Variants in OPRM1 observed in about 807,000 individuals in gnomAD.
The protein encoded by OPRM1 is mu-type opioid receptor.
A neutral mutation model predicts 31.8 loss-of-function variants in OPRM1; 27 were observed. The ratio of observed to expected loss-of-function variants is 0.85; its 90% CI spans 0.63 to 1.17. OPRM1 has a LOEUF of 1.17. Among genes scored for constraint, OPRM1 ranks in the 50% most tolerant of loss-of-function variants. The pLI is 0.00. For missense variants in OPRM1, 536 were observed against 511.1 expected, an observed-to-expected ratio of 1.05 and a Z score of -0.47; for synonymous variants, 196 against 189.9, an observed-to-expected ratio of 1.03 and a Z score of -0.26.
At chr6:154,062,434 G>C (rs972792691) in intron 1 of OPRM1, among the ~76,000 whole-genome samples, 2 of 151,890 alleles carry the variant, frequency 1.3e-5, no homozygotes, top group Non-Finnish European at 2.9e-5. Context: ...TAAAATTTCA[G>C]GCTTTAAAAA....
At chr6:154,193,431 T>C (rs1562533517) in intron 3 of OPRM1, among the ~76,000 whole-genome samples, 1 of 152,046 alleles carries the variant, frequency 6.6e-6, no homozygotes, top group African/African-American at 2.4e-5. Context: ...GAGCAAAATC[T>C]CAGAAATCAC....
At position 154,079,047 on chromosome 6, in the gene OPRM1, G is replaced by C. The variant is rs1456568461; in HGVS notation, c.291-10779G>C. On this transcript the variant is annotated intron_variant, in intron 1 of 3. Coordinates refer to ENST00000330432, the MANE Select transcript of OPRM1 (RefSeq NM_000914.5). ...TGGGGAAAGACATTTGAGAGGATAG[G>C]AGAAAGAGAGCAAGAGAAATCAACT... Among the ~76,000 whole-genome samples, 3 of 152,170 alleles carry C rather than the reference G, an allele frequency of 2.0e-5. No individual in the cohort carries two copies. The East Asian group carries it at 5.8e-4, about 29-fold the overall frequency.
intron 3 of OPRM1, among the ~76,000 whole-genome samples, chr6:154,235,528 T>A (rs1780050492): frequency 1.8e-5 from 1 of 56,928 alleles, no homozygotes; most frequent in African/African-American, 1.1e-4. Context: ...CAAAACTCTG[T>A]CACAAAAAAA....
intron 3 of OPRM1, among the ~76,000 whole-genome samples, chr6:154,114,889 A>C (rs1562485868): frequency 6.6e-6 from 1 of 151,184 alleles, no homozygotes; most frequent in African/African-American, 2.4e-5. Flanking sequence ...AAAAAAAAAA[A>C]CAAAAAACTT....
chr6:154,212,512 A>G (rs1269227123), intron 3 of OPRM1, among the ~76,000 whole-genome samples: 1 of 152,228 alleles, frequency 6.6e-6, no homozygotes, highest in Non-Finnish European at 1.5e-5. Context: ...GTCACCTAGA[A>G]GCCTTTGCAT....
intron 3 of OPRM1, among the ~76,000 whole-genome samples, chr6:154,117,903 AAG>A (rs1267524440): frequency 4.5e-5 from 5 of 111,184 alleles, no homozygotes; most frequent in Admixed American, 9.9e-5. Context: ...GAGAGAAAAA[AAG>A]AGAGAAAAAG....
chr6:154,117,891 G>GTGTGT (rs1491321128), intron 3 of OPRM1, among the ~76,000 whole-genome samples: 12 of 151,478 alleles, frequency 7.9e-5, no homozygotes, highest in Admixed American at 5.3e-4. Flanking sequence ...GTGTGTGTAT[G>GTGTGT]AGAGAGAAAA....
chr6:154,146,003 C>T (rs1392121453), intron 3 of OPRM1, among the ~76,000 whole-genome samples: 2 of 152,188 alleles, frequency 1.3e-5, no homozygotes, highest in African/African-American at 4.8e-5. Context: ...ATCATACTGT[C>T]CTTGATGAAA....
chr6:154,079,013 G>A (rs1463697702), intron 1 of OPRM1, among the ~76,000 whole-genome samples: 4 of 152,180 alleles, frequency 2.6e-5, no homozygotes, highest in South Asian at 2.1e-4. Context: ...AGAGGAAAAC[G>A]TTCTGGGCTG....
chr6:154,052,498 A>C (rs1782414406), intron 1 of OPRM1, among the ~76,000 whole-genome samples: 2 of 152,240 alleles, frequency 1.3e-5, no homozygotes, highest in African/African-American at 4.8e-5. Flanking sequence ...TTATATGGAC[A>C]CTGACATTTG....
In OPRM1 at chr6:154,056,654, C is replaced by T. The variant is rs763993013; in HGVS notation, c.290+16820C>T. Among the ~76,000 whole-genome samples, 108 of 151,914 alleles carry T rather than the reference C, an allele frequency of 7.1e-4. 1 individual carries two copies. The highest frequency in any genetic ancestry group is 2.0e-3 in the Admixed American group (31 of 15,266). Reference sequence around the variant, plus strand: ...CTTCCAAGTACAGAAGCTGTGGGAACAAGGAGATCAATGGAAGGGAAGGCC... The same window carrying T: ...CTTCCAAGTACAGAAGCTGTGGGAATAAGGAGATCAATGGAAGGGAAGGCC... On this transcript the variant is annotated intron_variant, in intron 1 of 3. Coordinates refer to ENST00000330432, the MANE Select transcript of OPRM1 (RefSeq NM_000914.5).
chr6:154,038,974 G>T, upstream of OPRM1: 1 of 610,764 alleles, frequency 1.6e-6, no homozygotes, highest in Non-Finnish European at 2.7e-6. Flanking sequence ...TTGGCAGTAG[G>T]GATGGAAGAG....
rs941946198 is a variant in OPRM1 at position 154,129,685 on chromosome 6, G to T, written c.*10964G>T. On this transcript the variant is annotated 3_prime_UTR_variant, in exon 4 of 4. Transcript: ENST00000330432. ...TCTATTCTTGAAACATATTTCTTTAGTTCAAGGTCTGATGAGCTCCCAGAC... is the reference window on the plus strand; with the variant it reads ...TCTATTCTTGAAACATATTTCTTTATTTCAAGGTCTGATGAGCTCCCAGAC... Among the ~76,000 whole-genome samples the T allele has an allele frequency of 6.6e-6, 1 of 152,052 alleles. No individual in the cohort carries two copies. Among genetic ancestry groups the T allele is most frequent in the Non-Finnish European group, 1.5e-5 (1 of 68,002 alleles).
At chr6:154,172,522 G>A (rs1252791590) in intron 3 of OPRM1, among the ~76,000 whole-genome samples, 2 of 152,184 alleles carry the variant, frequency 1.3e-5, no homozygotes, top group Admixed American at 6.5e-5. Flanking sequence ...CACACCCATG[G>A]AGCCTTGCTT....
chr6:154,222,468 A>G (rs1392122899), intron 3 of OPRM1, among the ~76,000 whole-genome samples: 1 of 152,244 alleles, frequency 6.6e-6, no homozygotes, highest in African/African-American at 2.4e-5. Flanking sequence ...AAGGTAGAAG[A>G]AATAATAAGA....
chr6:154,052,265 G>A (rs1782368784), intron 1 of OPRM1, among the ~76,000 whole-genome samples: 1 of 152,174 alleles, frequency 6.6e-6, no homozygotes, highest in African/African-American at 2.4e-5. Context: ...GATAGGTGCA[G>A]CAAACCACCG....
chr6:154,222,956 G>T (rs1247278866), intron 3 of OPRM1: 11 of 584,416 alleles, frequency 1.9e-5, no homozygotes, highest in Non-Finnish European at 3.4e-5. Flanking sequence ...CTTCGTGGGG[G>T]TTTTAAAATC....
At chr6:154,146,381 C>T (rs1798359428) in intron 3 of OPRM1, among the ~76,000 whole-genome samples, 1 of 152,064 alleles carries the variant, frequency 6.6e-6, no homozygotes, top group Non-Finnish European at 1.5e-5. Flanking sequence ...GTCTGGGCAA[C>T]AGAACAAGAC....
rs143632066 is a variant in OPRM1, at chr6:154,123,060, C to T, written c.*4339C>T. Among the ~76,000 whole-genome samples the T allele has an allele frequency of 2.1e-3, 323 of 152,240 alleles. 1 individual carries two copies. The highest frequency in any genetic ancestry group is 7.2e-3 in the African/African-American group (299 of 41,540). ...AGAGGAAAGCTCTCTGCAGCAGAGA[C>T]GGGAGCCCAAGTGGGTTGCTGTTTT... On this transcript the variant is annotated 3_prime_UTR_variant, in exon 4 of 4. Coordinates refer to ENST00000330432, the MANE Select transcript of OPRM1 (RefSeq NM_000914.5).
Sources: allele counts gnomAD v4.1 joint callset (sites outside exome capture counted in the v4.1 genomes callset), GRCh38; gene constraint gnomAD v4.1.1; transcripts MANE v1.5; gene names NCBI Gene and HGNC (gene_info 2026-07-23, HGNC 2026-07-21).